DHRS7C: variants seen among roughly 807,000 people sequenced by gnomAD.
DHRS7C encodes the protein dehydrogenase/reductase SDR family member 7C.
In DHRS7C, 28 loss-of-function variants were observed where a neutral mutation model predicts 29.6. The observed-to-expected ratio is 0.95, with a 90% CI of 0.70 to 1.30. The LOEUF is 1.30. Ranked by LOEUF, DHRS7C falls within the 50% of genes most tolerant of loss-of-function variation. The pLI, the probability that DHRS7C is intolerant of heterozygous loss-of-function variation, is 0.00. For missense variants in DHRS7C, 403 were observed against 393.3 expected (o/e 1.02, Z -0.21); for synonymous variants, 158 against 160.2 (o/e 0.99, Z 0.10).
chr17:9,785,908 G>A (rs2066420437), intron 1 of DHRS7C, among the ~76,000 whole-genome samples: 2 of 152,126 alleles, frequency 1.3e-5, no homozygotes, highest in Non-Finnish European at 2.9e-5. Context: ...GCAGAGAGGG[G>A]GAAGAAAGTT....
intron 4 of DHRS7C, 99 bp from the exon 5 acceptor site, chr17:9,773,021 C>G: frequency 7.0e-7 from 1 of 1,427,158 alleles, no homozygotes; most frequent in South Asian, 1.3e-5. Context: ...ACATTTCCTA[C>G]AGGCGCAGAG....
chr17:9,787,982 G>T (rs2152018967), intron 1 of DHRS7C, among the ~76,000 whole-genome samples: 1 of 152,226 alleles, frequency 6.6e-6, no homozygotes, highest in African/African-American at 2.4e-5. Flanking sequence ...AAAGTGTTGG[G>T]ATTACAGGCG....
chr17:9,784,471 C>CAAAA (rs1406807382), intron 1 of DHRS7C, among the ~76,000 whole-genome samples: 1 of 151,360 alleles, frequency 6.6e-6, no homozygotes, highest in African/African-American at 2.4e-5. Context: ...GACTCCATCT[C>CAAAA]AAAAAAACAA....
At chr17:9,777,473 C>T (rs535809456) in intron 3 of DHRS7C, among the ~76,000 whole-genome samples, 188 bp from the exon 4 acceptor site, 6 of 151,248 alleles carry the variant, frequency 4.0e-5, no homozygotes, top group East Asian at 1.9e-4. Context: ...CGTGGGCTGG[C>T]GAGTTGCTGG....
chr17:9,778,179 CAGGAGATCG>C (rs2066372990), intron 3 of DHRS7C, among the ~76,000 whole-genome samples: 1 of 151,964 alleles, frequency 6.6e-6, no homozygotes, highest in Non-Finnish European at 1.5e-5. Flanking sequence ...ATAACGAGGT[CAGGAGATCG>C]AGACCATCCT....
At chr17:9,783,819 T>C (rs1320833595) in intron 1 of DHRS7C, among the ~76,000 whole-genome samples, 1 of 151,918 alleles carries the variant, frequency 6.6e-6, no homozygotes. Context: ...TTCAAAAATT[T>C]AATCCCAGCT....
chr17:9,790,922 A>G (rs151329887), intron 1 of DHRS7C, among the ~76,000 whole-genome samples: 1 of 152,338 alleles, frequency 6.6e-6, no homozygotes, highest in East Asian at 1.9e-4. Context: ...GCAACCCTAG[A>G]TATTCCACCA....
At chr17:9,784,064 GA>G (rs1460690897) in intron 1 of DHRS7C, among the ~76,000 whole-genome samples, 2 of 151,506 alleles carry the variant, frequency 1.3e-5, no homozygotes. Flanking sequence ...AACCAAAACA[GA>G]AATAGACGAA....
Position 9,777,487 on chromosome 17 carries a change from AT to A in DHRS7C, c.479-203del, listed in dbSNP as rs2066369202. Among the ~76,000 whole-genome samples the A allele has an allele frequency of 2.0e-5, 3 of 151,064 alleles. No individual in the cohort carries two copies. In the South Asian group the frequency reaches 6.3e-4, roughly 32 times the overall value. On this transcript the variant is annotated intron_variant, in intron 3 of 5. Coordinates refer to ENST00000571134, the MANE Select transcript of DHRS7C (RefSeq NM_001105571.3). ...GCGTGGGCTGGCGAGTTGCTGGGTG[AT>A]TTTAAATTGGTGCTTTCCCACCAAT...
At chr17:9,783,288 A>T (rs916411614) in intron 1 of DHRS7C, among the ~76,000 whole-genome samples, 1 of 152,170 alleles carries the variant, frequency 6.6e-6, no homozygotes, top group African/African-American at 2.4e-5. Flanking sequence ...CAGAGAGGGA[A>T]GATTCCTCTC....
chr17:9,772,850 A>G lies in DHRS7C; in HGVS notation c.644T>C (p.Val215Ala). Residue 215 changes from valine to alanine, a missense_variant, in exon 5 of 6, where the codon GTC (valine) becomes GCC (alanine). Coordinates refer to ENST00000571134, the MANE Select transcript of DHRS7C (RefSeq NM_001105571.3). The stretch of plus-strand genomic sequence containing the variant: ...GAAAGTCGGGCTCACGGTGCTGATG[A>G]CAACATCGTATTCCTCCACTTCGGC... ...LRAEVEEYDV[V>A]ISTVSPTFIR... 2 of 1,613,966 alleles carry G rather than the reference A, an allele frequency of 1.2e-6. No homozygotes were observed. Among genetic ancestry groups the G allele is most frequent in the Middle Eastern group, 1.6e-4 (1 of 6,062 alleles).
At chr17:9,780,248 T>C (rs1286620437) in intron 2 of DHRS7C, among the ~76,000 whole-genome samples, 2 of 151,608 alleles carry the variant, frequency 1.3e-5, no homozygotes, top group African/African-American at 4.8e-5. Context: ...CAACAACAAA[T>C]CTTGACACGA....
intron 3 of DHRS7C, among the ~76,000 whole-genome samples, chr17:9,777,848 G>A (rs757287933): frequency 2.8e-4 from 42 of 152,052 alleles, no homozygotes; most frequent in Non-Finnish European, 4.0e-4. Flanking sequence ...AGGCTACCTT[G>A]GGAGAACTTA....
chr17:9,787,166 G>A (rs1240316393), intron 1 of DHRS7C, among the ~76,000 whole-genome samples: 2 of 152,116 alleles, frequency 1.3e-5, no homozygotes, highest in African/African-American at 4.8e-5. Flanking sequence ...GGGTAGTCTC[G>A]TACTCCTGAC....
chr17:9,786,631 CAG>C (rs2066425749), intron 1 of DHRS7C, among the ~76,000 whole-genome samples: 1 of 152,098 alleles, frequency 6.6e-6, no homozygotes, highest in Admixed American at 6.6e-5. Context: ...GCTTTTATAA[CAG>C]AATTCACTAA....
intron 5 of DHRS7C, 44 bp downstream of exon 5, chr17:9,772,723 T>C (rs762525467): frequency 6.2e-7 from 1 of 1,606,288 alleles, no homozygotes; most frequent in East Asian, 2.2e-5. Flanking sequence ...CACCGGACTG[T>C]TCCCGAGGCC....
intron 1 of DHRS7C, among the ~76,000 whole-genome samples, chr17:9,787,097 C>A (rs978090812): frequency 1.3e-5 from 2 of 152,202 alleles, no homozygotes; most frequent in South Asian, 2.1e-4. Flanking sequence ...AGGCGTCCAC[C>A]ATCATGCCCA....
intron 1 of DHRS7C, among the ~76,000 whole-genome samples, chr17:9,786,922 C>T (rs1416378961): frequency 6.6e-6 from 1 of 152,092 alleles, no homozygotes; most frequent in Non-Finnish European, 1.5e-5. Context: ...TCACTCCTCG[C>T]TCCCTCCCTC....
chr17:9,780,301 C>T (rs2066386707), intron 2 of DHRS7C, among the ~76,000 whole-genome samples: 1 of 152,158 alleles, frequency 6.6e-6, no homozygotes, highest in African/African-American at 2.4e-5. Flanking sequence ...GGTTCCAGAA[C>T]TGATAAATGA....
Sources: allele counts gnomAD v4.1 joint callset (sites outside exome capture counted in the v4.1 genomes callset), GRCh38; gene constraint gnomAD v4.1.1; transcripts MANE v1.5; gene names NCBI Gene and HGNC (gene_info 2026-07-23, HGNC 2026-07-21).